The following HIPK2 variants were observed in gnomAD, a reference collection of about 807,000 sequenced individuals.
HIPK2 encodes homeodomain interacting protein kinase 2, also known as homeodomain-interacting protein kinase 2.
Under a neutral mutation model 113.7 loss-of-function variants are expected in HIPK2, and 27 were observed. That is an observed-to-expected ratio of 0.24 (90% CI 0.17 to 0.33). HIPK2 has a LOEUF of 0.33. Ranked by LOEUF, HIPK2 falls within the 10% of genes least tolerant of loss-of-function variation. HIPK2 has a pLI of 1.00. For missense variants in HIPK2, 1,257 were observed against 1,588.0 expected, an observed-to-expected ratio of 0.79 and a Z score of 3.54; for synonymous variants, 631 against 642.2, an observed-to-expected ratio of 0.98 and a Z score of 0.26.
chr7:139,767,085 C>CAAGAAAAGCTTTCACCAA (rs1315150963), intron 1 of HIPK2, among the ~76,000 whole-genome samples: 3 of 152,190 alleles, frequency 2.0e-5, no homozygotes, highest in Admixed American at 2.0e-4. Context: ...CTCTCACATC[C>CAAGAAAAGCTTTCACCAA]AAGAAAAGCT....
chr7:139,681,726 T>C (rs942117421), intron 2 of HIPK2, among the ~76,000 whole-genome samples: 1 of 152,160 alleles, frequency 6.6e-6, no homozygotes, highest in Non-Finnish European at 1.5e-5. Flanking sequence ...GGGAAAAATA[T>C]TCTCACTTTA....
intron 2 of HIPK2, among the ~76,000 whole-genome samples, chr7:139,696,032 G>A (rs1794557186): frequency 1.3e-5 from 2 of 152,298 alleles, no homozygotes; most frequent in South Asian, 2.1e-4. Flanking sequence ...TTAAGACTTC[G>A]GAGAACTGGC....
At chr7:139,727,292 A>G (rs531124191) in intron 1 of HIPK2, among the ~76,000 whole-genome samples, 2 of 152,326 alleles carry the variant, frequency 1.3e-5, no homozygotes, top group East Asian at 3.9e-4. Flanking sequence ...GAAAACAGAG[A>G]AAGAGTGGCA....
intron 2 of HIPK2, among the ~76,000 whole-genome samples, chr7:139,709,232 A>G (rs1474414869): frequency 2.6e-5 from 4 of 152,182 alleles, no homozygotes; most frequent in South Asian, 2.1e-4. Context: ...AGTTCACTTC[A>G]TATCTTCAAG....
At chr7:139,595,745 T>C (rs937896548) in intron 12 of HIPK2, among the ~76,000 whole-genome samples, 4 of 152,248 alleles carry the variant, frequency 2.6e-5, no homozygotes, top group Admixed American at 6.5e-5. Context: ...TATCTATACA[T>C]TTTGTAATGA....
chr7:139,719,012 C>A (rs1795327957), intron 1 of HIPK2, among the ~76,000 whole-genome samples: 1 of 152,210 alleles, frequency 6.6e-6, no homozygotes, highest in Non-Finnish European at 1.5e-5. Context: ...ACCTCTGCAA[C>A]ATCTGATACT....
chr7:139,644,570 C>A (rs1419808962), intron 2 of HIPK2, among the ~76,000 whole-genome samples: 1 of 152,178 alleles, frequency 6.6e-6, no homozygotes, highest in African/African-American at 2.4e-5. Context: ...TTATGATGGT[C>A]CTCATCATGG....
intron 2 of HIPK2, among the ~76,000 whole-genome samples, chr7:139,687,492 T>C (rs527851661): frequency 2.0e-5 from 3 of 152,216 alleles, no homozygotes; most frequent in African/African-American, 4.8e-5. Flanking sequence ...GGTTGGGATA[T>C]AGAATACATT....
chr7:139,596,980 C>T lies in HIPK2; in HGVS notation c.2454G>A (p.Glu818=). ...QSSVRNVSTC[E]VSSSQAISSP... is the part of the protein sequence containing the mutation. ...AGCTGATGGCCTGAGAGGAGGACAC[C>T]TCACAGGTGGAGACATTTCTGTAAT... is the stretch of plus-strand genomic sequence containing the variant. Residue 818 remains glutamate (E), a synonymous_variant, in exon 12 of 15, where the codon GAG becomes GAA. Coordinates refer to ENST00000406875, the MANE Select transcript of HIPK2 (RefSeq NM_022740.5). 6.3e-7 allele frequency: 1 copy of T among 1,597,498 alleles called. No individual in the cohort carries two copies. Among genetic ancestry groups the T allele is most frequent in the Middle Eastern group, 1.8e-4 (1 of 5,540 alleles).
At chr7:139,627,072 T>C (rs184793803) in intron 5 of HIPK2, among the ~76,000 whole-genome samples, 1 of 152,366 alleles carries the variant, frequency 6.6e-6, no homozygotes, top group African/African-American at 2.4e-5. Context: ...AAACTGCTCC[T>C]GCTTTCATCA....
In HIPK2 at chr7:139,716,054, T is replaced by C. The variant is rs573550525; in HGVS notation, c.981A>G (p.Pro327=). ...SLGLIHADLK[P]ENIMLVDPSR... ...ATGGATCCACCAGCATGATGTTTTCTGGTTTGAGGTCAGCGTGGATAAGAC... is the reference window on the plus strand; with the variant it reads ...ATGGATCCACCAGCATGATGTTTTCCGGTTTGAGGTCAGCGTGGATAAGAC... Residue 327 remains proline, a synonymous_variant, in exon 2 of 15, where the codon CCA becomes CCG. Coordinates refer to ENST00000406875, the MANE Select transcript of HIPK2 (RefSeq NM_022740.5). The surrounding 1 kb of genome is among the most constrained non-coding windows in gnomAD (Gnocchi z 9.3). 2.5e-6 allele frequency: 4 copies of C among 1,614,164 alleles called. No homozygotes were observed. Among genetic ancestry groups the C allele is most frequent in the Non-Finnish European group, 3.4e-6 (4 of 1,179,990 alleles).
intron 10 of HIPK2, among the ~76,000 whole-genome samples, chr7:139,603,414 G>T (rs1228105613): frequency 3.9e-5 from 6 of 152,186 alleles, no homozygotes; most frequent in Non-Finnish European, 5.9e-5. Flanking sequence ...GAGCGCATCT[G>T]TGAGGAAATC....
intron 7 of HIPK2, among the ~76,000 whole-genome samples, chr7:139,618,235 A>G (rs947640442): frequency 4.0e-5 from 6 of 150,836 alleles, no homozygotes; most frequent in Admixed American, 6.6e-5. Context: ...CTGGCACATA[A>G]TAAGTGTTAG....
chr7:139,770,102 A>G (rs1489866179), intron 1 of HIPK2, among the ~76,000 whole-genome samples: 1 of 152,238 alleles, frequency 6.6e-6, no homozygotes, highest in Non-Finnish European at 1.5e-5. Flanking sequence ...AGATGCCGTG[A>G]CACAGAATTC....
At chr7:139,667,708 TA>T (rs1202224646) in intron 2 of HIPK2, among the ~76,000 whole-genome samples, 1 of 152,248 alleles carries the variant, frequency 6.6e-6, no homozygotes, top group Non-Finnish European at 1.5e-5. Context: ...TGTACATTTG[TA>T]TAATATATAA....
In HIPK2 at chr7:139,637,400, C is replaced by T. The variant is rs147670370; in HGVS notation, c.1104-5675G>A. 3.9e-5 allele frequency among the ~76,000 whole-genome samples: 6 copies of T among 152,354 alleles called. No homozygotes were observed. The East Asian group carries it at 1.2e-3, about 29-fold the overall frequency. ...CTCTCCTAGCTTAATACGTTGCAGGCCCGTTGGTTTCCTTTCCATTTGCAA... is the reference window on the plus strand; with the variant it reads ...CTCTCCTAGCTTAATACGTTGCAGGTCCGTTGGTTTCCTTTCCATTTGCAA... On this transcript the variant is annotated intron_variant, in intron 2 of 14. Coordinates refer to ENST00000406875, the MANE Select transcript of HIPK2 (RefSeq NM_022740.5).
chr7:139,600,561 A>T lies in HIPK2; in HGVS notation c.2291T>A (p.Ile764Asn). ...THAHGSHYNP[I>N]MQQPALLTGH... ...GGTCAATAGTGCAGGCTGCTGCATG[A>T]TGGGATTATAATGGCTTCCGTGAGC... The change falls in exon 11 of 15, where the codon ATC becomes AAC. Residue 764 changes from isoleucine (I) to asparagine (N), a missense_variant. Around this residue, in one of 5 missense-constraint regions of HIPK2, gnomAD observed 862 missense variants for 1,004.3 expected, o/e 0.86. Transcript: ENST00000406875. 6.2e-7 allele frequency: 1 copy of T among 1,613,958 alleles called. No individual in the cohort carries two copies. The highest frequency in any genetic ancestry group is 8.5e-7 in the Non-Finnish European group (1 of 1,179,878).
At chr7:139,675,654 T>C (rs1018561539) in intron 2 of HIPK2, among the ~76,000 whole-genome samples, 2 of 152,144 alleles carry the variant, frequency 1.3e-5, no homozygotes, top group Non-Finnish European at 2.9e-5. Context: ...CCAGACACCA[T>C]GCTGTGAGTT....
chr7:139,741,910 T>C (rs1165885277), intron 1 of HIPK2, among the ~76,000 whole-genome samples: 2 of 152,144 alleles, frequency 1.3e-5, no homozygotes, highest in African/African-American at 4.8e-5. Flanking sequence ...TTACATACAC[T>C]CTCTCATCTA....
Sources: gnomAD v4.1 joint callset for allele counts (sites outside exome capture counted in the v4.1 genomes callset) on GRCh38, gnomAD v4.1.1 for gene constraint, gnomAD v4.1.1 regional missense constraint, Gnocchi (gnomAD v3.1) non-coding constraint, MANE v1.5 for transcripts, NCBI Gene and HGNC (gene_info 2026-07-23, HGNC 2026-07-21) for gene names.